Variants in KCNMA1 observed in about 807,000 individuals in gnomAD.
KCNMA1 encodes the protein potassium calcium-activated channel subfamily M alpha 1, also known as Calcium-activated potassium channel subunit alpha-1.
A neutral mutation model predicts 140.0 loss-of-function variants in KCNMA1; 29 were observed. The observed-to-expected ratio is 0.21, with a 90% CI of 0.15 to 0.28. The LOEUF is 0.28. KCNMA1 is among the 10% of genes least tolerant of loss of function. KCNMA1 has a pLI of 1.00. For synonymous variants in KCNMA1, 612 were observed against 611.9 expected (o/e 1.00, Z 0.00); for missense variants, 880 against 1,602.2 (o/e 0.55, Z 7.70).
At chr10:77,389,810 A>G (rs1320086146) in intron 2 of KCNMA1, among the ~76,000 whole-genome samples, 1 of 152,188 alleles carries the variant, frequency 6.6e-6, no homozygotes, top group African/African-American at 2.4e-5. Flanking sequence ...AGAAAGGAGC[A>G]AAGAAGGAAA....
At chr10:76,947,698 G>C (rs1591613697) in intron 22 of KCNMA1, among the ~76,000 whole-genome samples, 1 of 152,154 alleles carries the variant, frequency 6.6e-6, no homozygotes. Flanking sequence ...TAAGGCAGTG[G>C]GTTTTTGGCC....
intron 14 of KCNMA1, among the ~76,000 whole-genome samples, chr10:77,048,124 A>AAATAAATAAATAAATAAAT (rs1385972223): frequency 6.6e-6 from 1 of 151,662 alleles, no homozygotes; most frequent in Non-Finnish European, 1.5e-5. Context: ...ATAAATAAAT[A>AAATAAATAAATAAATAAAT]AATAAATAAG....
At chr10:77,436,957 T>TACACACACACACACAA (rs2097274887) in intron 1 of KCNMA1, among the ~76,000 whole-genome samples, 1 of 134,762 alleles carries the variant, frequency 7.4e-6, no homozygotes, top group African/African-American at 2.8e-5. Flanking sequence ...CTTCTTTCTT[T>TACACACACACACACAA]ACACACACAC....
chr10:77,506,494 CAGAGAGAGAAAG>C (rs2045868247), intron 1 of KCNMA1, among the ~76,000 whole-genome samples: 1 of 148,510 alleles, frequency 6.7e-6, no homozygotes, highest in South Asian at 2.1e-4. Context: ...ATCAGAGAGA[CAGAGAGAGAAAG>C]AGAGAGAGAG....
At chr10:77,354,862 T>C (rs2093324133) in intron 2 of KCNMA1, among the ~76,000 whole-genome samples, 1 of 152,192 alleles carries the variant, frequency 6.6e-6, no homozygotes, top group Non-Finnish European at 1.5e-5. Context: ...GAACCTTTAC[T>C]GCCCAAAAAA....
At chr10:77,453,201 AG>A (rs982427934) in intron 1 of KCNMA1, among the ~76,000 whole-genome samples, 2 of 152,148 alleles carry the variant, frequency 1.3e-5, no homozygotes, top group Non-Finnish European at 2.9e-5. Flanking sequence ...TGCCTCTCTA[AG>A]GGCTCCTAAG....
At chr10:76,948,920 A>T in intron 22 of KCNMA1, 1 of 602,166 alleles carries the variant, frequency 1.7e-6, no homozygotes, top group Non-Finnish European at 3.0e-6. Context: ...GCTAAACTTC[A>T]TCCCTGATGA....
chr10:77,386,067 A>C (rs2095592128), intron 2 of KCNMA1, among the ~76,000 whole-genome samples: 1 of 152,204 alleles, frequency 6.6e-6, no homozygotes, highest in Non-Finnish European at 1.5e-5. Flanking sequence ...CATCAGAAAC[A>C]AGTTCCAAGG....
At chr10:77,367,528 A>C (rs750439793) in intron 2 of KCNMA1, among the ~76,000 whole-genome samples, 43 of 152,212 alleles carry the variant, frequency 2.8e-4, no homozygotes, top group Non-Finnish European at 6.0e-4. Flanking sequence ...CTCTTGAATA[A>C]GAATCTGCAC....
chr10:76,931,918 T>C (rs2059387895), intron 23 of KCNMA1, among the ~76,000 whole-genome samples: 1 of 152,214 alleles, frequency 6.6e-6, no homozygotes. Flanking sequence ...TAATTCTGGC[T>C]GCTAGGTACA....
intron 2 of KCNMA1, among the ~76,000 whole-genome samples, chr10:77,333,544 A>T (rs2087534469): frequency 6.6e-6 from 1 of 152,236 alleles, no homozygotes; most frequent in African/African-American, 2.4e-5. Flanking sequence ...ATTCAAAAAT[A>T]ACATTTGTGC....
chr10:76,889,434 T>C lies in KCNMA1; in HGVS notation c.3461+17A>G, dbSNP rs1442317817. ...TCTGTGATTAGGTGGGAGGGCAGAG[T>C]TGAAACCAATACTCACCTCTTTGTG... On this transcript the variant is annotated intron_variant, in intron 27 of 27. Coordinates refer to ENST00000286628, the MANE Select transcript of KCNMA1 (RefSeq NM_001161352.2). 1 of 1,531,756 alleles carries C rather than the reference T, an allele frequency of 6.5e-7. No homozygotes were observed. Among genetic ancestry groups the C allele is most frequent in the Non-Finnish European group, 9.0e-7 (1 of 1,105,024 alleles). The allele number at this position is 1,531,756 out of a possible 1,614,324, so 94.9% of individuals were successfully genotyped here. A position where few individuals can be genotyped will look rare whatever the true frequency, so the allele number is the denominator to read the frequency against.
chr10:77,034,897 T>A (rs1463854969), intron 15 of KCNMA1, among the ~76,000 whole-genome samples: 1 of 152,202 alleles, frequency 6.6e-6, no homozygotes, highest in Non-Finnish European at 1.5e-5. Context: ...AATGACTGAC[T>A]AATAGGTTCC....
At chr10:77,226,918 C>T (rs2051664319) in intron 3 of KCNMA1, among the ~76,000 whole-genome samples, 1 of 152,128 alleles carries the variant, frequency 6.6e-6, no homozygotes, top group Non-Finnish European at 1.5e-5. Flanking sequence ...AGGTGTGCCT[C>T]CTTCATTACA....
chr10:77,135,598 T>G (rs778832382), intron 5 of KCNMA1, among the ~76,000 whole-genome samples: 2 of 152,238 alleles, frequency 1.3e-5, no homozygotes, highest in Non-Finnish European at 2.9e-5. Flanking sequence ...TCAACCGCAG[T>G]GTCCATCAAC....
intron 18 of KCNMA1, among the ~76,000 whole-genome samples, chr10:77,003,269 C>A (rs2087108726): frequency 6.6e-6 from 1 of 151,744 alleles, no homozygotes; most frequent in African/African-American, 2.4e-5. Flanking sequence ...CAGCCCTGTT[C>A]AATGGTGGTA....
intron 1 of KCNMA1, among the ~76,000 whole-genome samples, chr10:77,531,663 C>T (rs576437722): frequency 2.0e-5 from 3 of 152,338 alleles, no homozygotes; most frequent in African/African-American, 7.2e-5. Context: ...CAGTGTCATC[C>T]GTGAACACAG....
At chr10:77,099,384 T>C (rs746898401) in intron 9 of KCNMA1, among the ~76,000 whole-genome samples, 5 of 152,266 alleles carry the variant, frequency 3.3e-5, no homozygotes, top group Admixed American at 6.5e-5. Context: ...CATAAGCTGC[T>C]AGCCATTCAC....
chr10:77,403,786 T>A (rs2096367389), intron 2 of KCNMA1, 76 bp downstream of exon 2: 1 of 1,435,444 alleles, frequency 7.0e-7, no homozygotes, highest in South Asian at 1.3e-5. Flanking sequence ...CCCTGGGGAA[T>A]ATCACGTCTC....
Sources: gnomAD v4.1 joint callset for allele counts (sites outside exome capture counted in the v4.1 genomes callset) on GRCh38, gnomAD v4.1.1 for gene constraint, MANE v1.5 for transcripts, NCBI Gene and HGNC (gene_info 2026-07-23, HGNC 2026-07-21) for gene names.